The following IGSF21 variants were observed in gnomAD, a reference collection of about 807,000 sequenced individuals.
The protein encoded by IGSF21 is immunoglobulin superfamily member 21.
Under a neutral mutation model 46.8 loss-of-function variants are expected in IGSF21, and 28 were observed. That is an observed-to-expected ratio of 0.60 (90% CI 0.44 to 0.82). The LOEUF is 0.82. Ranked by LOEUF, IGSF21 falls within the 40% of genes least tolerant of loss-of-function variation. IGSF21 has a pLI of 0.00. For missense variants in IGSF21, 624 were observed against 665.5 expected, an observed-to-expected ratio of 0.94 and a Z score of 0.69; for synonymous variants, 284 against 273.6, an observed-to-expected ratio of 1.04 and a Z score of -0.38.
At chr1:18,357,416 G>A (rs1465486746) in intron 4 of IGSF21, among the ~76,000 whole-genome samples, 1 of 139,886 alleles carries the variant, frequency 7.1e-6, no homozygotes, top group Non-Finnish European at 1.6e-5. Context: ...GGATGAGGAT[G>A]GGGATGGGAA....
chr1:18,133,749 A>G (rs983425973), intron 1 of IGSF21, among the ~76,000 whole-genome samples: 2 of 152,134 alleles, frequency 1.3e-5, no homozygotes, highest in Non-Finnish European at 2.9e-5. Context: ...ATCCTTCACT[A>G]TTGGACAACT....
intron 2 of IGSF21, among the ~76,000 whole-genome samples, chr1:18,237,221 C>T (rs112885422): frequency 0.012 from 1,826 of 152,194 alleles, 11 homozygotes; most frequent in Middle Eastern, 0.02. Flanking sequence ...TTAAAAAATG[C>T]ATTTGGTATT....
chr1:18,228,994 TTTC>T (rs1053245561), intron 2 of IGSF21, among the ~76,000 whole-genome samples: 9 of 152,224 alleles, frequency 5.9e-5, no homozygotes, highest in African/African-American at 2.2e-4. Context: ...TGTGTCATAA[TTTC>T]TTCTTCTTTT....
intron 2 of IGSF21, among the ~76,000 whole-genome samples, chr1:18,240,210 G>A (rs1208116986): frequency 1.3e-5 from 2 of 152,200 alleles, no homozygotes; most frequent in African/African-American, 4.8e-5. Context: ...GAGCCCAGGA[G>A]GTCAAAGCTG....
intron 3 of IGSF21, among the ~76,000 whole-genome samples, chr1:18,325,505 G>A (rs185731942): frequency 1.3e-5 from 2 of 152,192 alleles, no homozygotes; most frequent in East Asian, 1.9e-4. Flanking sequence ...TCAGGGCCCC[G>A]GAATGATTCT....
At chr1:18,235,138 C>G (rs1258343111) in intron 2 of IGSF21, among the ~76,000 whole-genome samples, 4 of 152,238 alleles carry the variant, frequency 2.6e-5, no homozygotes, top group Admixed American at 2.6e-4. Context: ...ATTTCCAGGA[C>G]TGGAGCCTCA....
intron 1 of IGSF21, among the ~76,000 whole-genome samples, chr1:18,214,470 G>A (rs1417954132): frequency 6.6e-6 from 1 of 152,162 alleles, no homozygotes; most frequent in Non-Finnish European, 1.5e-5. Context: ...GTATCCAGCC[G>A]CAGCAAAAGT....
At chr1:18,202,523 T>C (rs2087086428) in intron 1 of IGSF21, among the ~76,000 whole-genome samples, 1 of 151,982 alleles carries the variant, frequency 6.6e-6, no homozygotes, top group Admixed American at 6.6e-5. Context: ...AAACTTACAA[T>C]CATGGCAGAA....
intron 2 of IGSF21, among the ~76,000 whole-genome samples, chr1:18,272,376 C>T (rs944527414): frequency 5.3e-5 from 8 of 152,198 alleles, no homozygotes; most frequent in Admixed American, 6.5e-5. Context: ...TTCCTGGCTA[C>T]ATGATCTTGG....
chr1:18,125,684 G>A (rs2086268642), intron 1 of IGSF21, among the ~76,000 whole-genome samples: 2 of 152,282 alleles, frequency 1.3e-5, no homozygotes, highest in South Asian at 4.1e-4. Flanking sequence ...TGGTGAATAG[G>A]CCAAAGATAA....
chr1:18,257,839 G>T (rs1480058129), intron 2 of IGSF21, among the ~76,000 whole-genome samples: 1 of 152,168 alleles, frequency 6.6e-6, no homozygotes, highest in Non-Finnish European at 1.5e-5. Flanking sequence ...ACTGGACAAA[G>T]GGTAGAATGA....
At chr1:18,217,123 C>T (rs550038091) in intron 1 of IGSF21, among the ~76,000 whole-genome samples, 2 of 152,130 alleles carry the variant, frequency 1.3e-5, no homozygotes, top group African/African-American at 4.8e-5. Flanking sequence ...CTGCCAACCA[C>T]CTGACCACCC....
In IGSF21 at chr1:18,376,963, C is replaced by G. The variant is rs2086288334; in HGVS notation, c.1265C>G (p.Thr422Ser). The G allele has an allele frequency of 6.3e-7, 1 of 1,598,284 alleles. No homozygotes were observed. The highest frequency in any genetic ancestry group is 2.3e-5 in the East Asian group (1 of 44,426). ...ACCGCCCAGAACCCACTGGGCTCCA[C>G]CGACACGCACACCCGGCTCATCGTG... ...RCTAQNPLGSTDTHTRLIVFE... is the reference protein window; with the variant it reads ...RCTAQNPLGSSDTHTRLIVFE... The change falls in exon 8 of 10, where the codon ACC becomes AGC. Residue 422 changes from threonine to serine, a missense_variant. Physicochemically the swap from Thr to Ser is moderately conservative, Grantham distance 58. Transcript: ENST00000251296.
chr1:18,266,864 C>A (rs1032947902), intron 2 of IGSF21, among the ~76,000 whole-genome samples: 1 of 152,190 alleles, frequency 6.6e-6, no homozygotes, highest in Non-Finnish European at 1.5e-5. Flanking sequence ...ACAAGAGGGA[C>A]CACCTGAGAG....
intron 1 of IGSF21, among the ~76,000 whole-genome samples, chr1:18,132,605 C>A (rs2086331677): frequency 6.6e-6 from 1 of 152,166 alleles, no homozygotes. Flanking sequence ...TGGGTCCTGG[C>A]CACCTCTTGG....
rs764542091 is a variant in IGSF21, at chr1:18,335,219, C to T, written c.424+209C>T. ...CCCGTGAAGTCTTGCCCCCCATGGG[C>T]CTCCCCTCAGGAGGTCCCCTTCTCA... On this transcript the variant is annotated intron_variant, in intron 4 of 9. Transcript: ENST00000251296. This position sits in a 1 kb window ranked among gnomAD's most constrained non-coding sequence, Gnocchi z 4.8. Among the ~76,000 whole-genome samples the T allele has an allele frequency of 1.3e-5, 2 of 152,176 alleles. No homozygotes were observed. The highest frequency in any genetic ancestry group is 6.5e-5 in the Admixed American group (1 of 15,274).
At chr1:18,371,746 A>G (rs911462125) in intron 6 of IGSF21, among the ~76,000 whole-genome samples, 1 of 152,096 alleles carries the variant, frequency 6.6e-6, no homozygotes, top group African/African-American at 2.4e-5. Context: ...CGAGTCCTCT[A>G]CTCAGAGGGT....
At chr1:18,133,210 C>A (rs1362014501) in intron 1 of IGSF21, among the ~76,000 whole-genome samples, 5 of 152,180 alleles carry the variant, frequency 3.3e-5, no homozygotes, top group Non-Finnish European at 7.3e-5. Flanking sequence ...GGGGGTGAAG[C>A]CAGGCCTCTG....
At chr1:18,154,262 A>G (rs929018417) in intron 1 of IGSF21, among the ~76,000 whole-genome samples, 3 of 151,802 alleles carry the variant, frequency 2.0e-5, no homozygotes, top group African/African-American at 4.8e-5. Flanking sequence ...GGGGACTTGG[A>G]TGGGATTTGA....
Sources: allele counts gnomAD v4.1 joint callset (sites outside exome capture counted in the v4.1 genomes callset), GRCh38; gene constraint gnomAD v4.1.1; non-coding constraint Gnocchi (gnomAD v3.1); transcripts MANE v1.5; gene names NCBI Gene and HGNC (gene_info 2026-07-23, HGNC 2026-07-21).